UPP2: variants seen among roughly 807,000 people sequenced by gnomAD.
The protein encoded by UPP2 is UPase 2.
UPP2 carries 23 observed loss-of-function variants against 26.7 expected under a neutral mutation model. That is an observed-to-expected ratio of 0.86 (90% CI 0.62 to 1.22). The LOEUF is 1.22. Among genes scored for constraint, UPP2 ranks in the 50% most tolerant of loss-of-function variants. UPP2 has a pLI of 0.00. For synonymous variants in UPP2, 127 were observed against 141.3 expected (o/e 0.90, Z 0.72); for missense variants, 387 against 396.7 (o/e 0.98, Z 0.21).
rs550285135 is a variant in UPP2, at chr2:158,113,277, A to C, written c.181-1824A>C. Among the ~76,000 whole-genome samples the C allele has an allele frequency of 5.3e-5, 8 of 152,352 alleles. No individual in the cohort carries two copies. In the East Asian group the frequency reaches 1.5e-3, roughly 29 times the overall value. ...ATAGTTGTAATTTACATTCACTGGCACCACACAATGAGGTTATTTTCAAAC... is the reference window on the plus strand; with the variant it reads ...ATAGTTGTAATTTACATTCACTGGCCCCACACAATGAGGTTATTTTCAAAC... On this transcript the variant is annotated intron_variant, in intron 2 of 6. Coordinates refer to ENST00000005756, the MANE Select transcript of UPP2 (RefSeq NM_173355.4).
At chr2:158,083,148 C>T (rs1417164205) in intron 3 of UPP2, among the ~76,000 whole-genome samples, 7 of 152,066 alleles carry the variant, frequency 4.6e-5, no homozygotes, top group East Asian at 3.9e-4. Context: ...GACAGTGTGG[C>T]GATTCCTCAA....
intron 3 of UPP2, among the ~76,000 whole-genome samples, chr2:158,065,103 C>T (rs1426491714): frequency 6.6e-6 from 1 of 152,178 alleles, no homozygotes; most frequent in African/African-American, 2.4e-5. Flanking sequence ...TGCATAAACA[C>T]ATTCCTCAGT....
At chr2:158,128,893 T>A (rs1683748420) in intron 6 of UPP2, among the ~76,000 whole-genome samples, 1 of 152,128 alleles carries the variant, frequency 6.6e-6, no homozygotes, top group African/African-American at 2.4e-5. Flanking sequence ...CAGATACTTA[T>A]TTTATAGTAT....
At chr2:158,073,630 T>A (rs1682579196) in intron 3 of UPP2, among the ~76,000 whole-genome samples, 1 of 152,134 alleles carries the variant, frequency 6.6e-6, no homozygotes, top group Non-Finnish European at 1.5e-5. Flanking sequence ...CTCCAATACA[T>A]CTGGCAGCAG....
chr2:158,054,828 T>A (rs1212002812), intron 3 of UPP2, among the ~76,000 whole-genome samples: 1 of 152,220 alleles, frequency 6.6e-6, no homozygotes, highest in Non-Finnish European at 1.5e-5. Context: ...ATTTTAACCA[T>A]TTTAAGTGTA....
intron 2 of UPP2, among the ~76,000 whole-genome samples, chr2:158,001,977 A>AAC (rs1455051068): frequency 6.7e-6 from 1 of 150,192 alleles, no homozygotes; most frequent in East Asian, 1.9e-4. Flanking sequence ...AAAAAAAAAA[A>AAC]AAAAAGAAGA....
chr2:158,084,149 C>T (rs1682775878), intron 3 of UPP2, among the ~76,000 whole-genome samples: 1 of 152,062 alleles, frequency 6.6e-6, no homozygotes, highest in Admixed American at 6.6e-5. Context: ...GCTCCCTTTT[C>T]ACCACATCCA....
In UPP2 at chr2:158,117,896, T is replaced by C. The variant is rs767998501; in HGVS notation, c.412T>C (p.Cys138Arg). The C allele has an allele frequency of 3.7e-6, 6 of 1,613,086 alleles. 1 individual carries two copies. In the Admixed American group the frequency reaches 1.0e-4, roughly 27 times the overall value. The stretch of plus-strand genomic sequence containing the variant: ...CAAATTACTCCACCATGCACGGTGC[T>C]GCGATGTCACCATTATTAGAATCGG... ...LIKLLHHARCCDVTIIRIGTS... is the reference protein window; with the variant it reads ...LIKLLHHARCRDVTIIRIGTS... Residue 138 changes from cysteine (C) to arginine (R), a missense_variant, in exon 4 of 7, where the codon TGC (cysteine) becomes CGC (arginine). Transcript: ENST00000005756.
intron 3 of UPP2, among the ~76,000 whole-genome samples, chr2:158,056,154 A>G (rs1682242144): frequency 6.6e-6 from 1 of 152,222 alleles, no homozygotes; most frequent in Non-Finnish European, 1.5e-5. Flanking sequence ...TGAGAAATTG[A>G]GACCTTATTT....
chr2:158,027,071 C>G (rs1305381513), intron 3 of UPP2, among the ~76,000 whole-genome samples: 1 of 152,162 alleles, frequency 6.6e-6, no homozygotes, highest in Non-Finnish European at 1.5e-5. Context: ...GGTGGGGACA[C>G]AGCCAAACCT....
Position 158,106,228 on chromosome 2 carries a change from TC to T in UPP2, c.180+13del. Reference sequence around the variant, plus strand: ...TTGGAGATGTAAAGGTAAAAACATTTCTAATTTCAGGAAAAATGATTGAGTT... The same window carrying T: ...TTGGAGATGTAAAGGTAAAAACATTTTAATTTCAGGAAAAATGATTGAGTT... On this transcript the variant is annotated intron_variant, in intron 2 of 6. Coordinates refer to ENST00000005756, the MANE Select transcript of UPP2 (RefSeq NM_173355.4). 6.3e-7 allele frequency: 1 copy of T among 1,593,350 alleles called. No homozygotes were observed. The highest frequency in any genetic ancestry group is 2.2e-5 in the East Asian group (1 of 44,676).
At chr2:158,036,074 G>A (rs1683996212) in intron 3 of UPP2, among the ~76,000 whole-genome samples, 1 of 152,086 alleles carries the variant, frequency 6.6e-6, no homozygotes, top group Non-Finnish European at 1.5e-5. Context: ...AAGAACTCAA[G>A]CTCACAAGCT....
intron 3 of UPP2, among the ~76,000 whole-genome samples, chr2:158,042,754 G>A (rs1277592639): frequency 1.3e-5 from 2 of 152,190 alleles, no homozygotes; most frequent in Non-Finnish European, 2.9e-5. Flanking sequence ...TCCTCCCAAG[G>A]AGGACACTGG....
At chr2:158,007,733 G>A (rs1683514926) in intron 2 of UPP2, among the ~76,000 whole-genome samples, 1 of 151,476 alleles carries the variant, frequency 6.6e-6, no homozygotes, top group African/African-American at 2.4e-5. Context: ...CAATTCTCCT[G>A]CCTCAGCCTC....
intron 3 of UPP2, among the ~76,000 whole-genome samples, chr2:158,050,804 G>T (rs1221960480): frequency 6.6e-6 from 1 of 152,156 alleles, no homozygotes; most frequent in Admixed American, 6.6e-5. Flanking sequence ...AACTGAATAT[G>T]AACTATTGAA....
chr2:158,050,391 T>G (rs896201822), intron 3 of UPP2, among the ~76,000 whole-genome samples: 5 of 152,114 alleles, frequency 3.3e-5, no homozygotes, highest in Admixed American at 2.0e-4. Flanking sequence ...TTATTTAGTT[T>G]TTTTTTTTTA....
chr2:158,052,933 A>G (rs2105172729), intron 3 of UPP2, among the ~76,000 whole-genome samples: 1 of 152,364 alleles, frequency 6.6e-6, no homozygotes, highest in East Asian at 1.9e-4. Flanking sequence ...ATTTACAAAA[A>G]CAGGCATTGG....
intron 6 of UPP2, among the ~76,000 whole-genome samples, chr2:158,130,867 T>C (rs1683803697): frequency 6.6e-6 from 1 of 152,186 alleles, no homozygotes; most frequent in Non-Finnish European, 1.5e-5. Context: ...GAATAAAGCC[T>C]AAGTATCTCT....
chr2:158,008,720 T>A (rs1304704835), intron 2 of UPP2, among the ~76,000 whole-genome samples: 3 of 152,236 alleles, frequency 2.0e-5, no homozygotes, highest in African/African-American at 7.2e-5. Context: ...TCTGTTTGAA[T>A]AAGACCTGTA....
Sources: allele counts gnomAD v4.1 joint callset (sites outside exome capture counted in the v4.1 genomes callset), GRCh38; gene constraint gnomAD v4.1.1; transcripts MANE v1.5; gene names NCBI Gene and HGNC (gene_info 2026-07-23, HGNC 2026-07-21).